Variants in CASQ2 observed in about 807,000 individuals in gnomAD.
The protein encoded by CASQ2 is calsequestrin 2.
Under a neutral mutation model 46.5 loss-of-function variants are expected in CASQ2, and 49 were observed. The observed-to-expected ratio is 1.05, with a 90% CI of 0.84 to 1.34. CASQ2 has a LOEUF of 1.34. Among genes scored for constraint, CASQ2 ranks in the 40% most tolerant of loss-of-function variants. CASQ2 has a pLI of 0.00. For missense variants in CASQ2, 486 were observed against 481.3 expected, an observed-to-expected ratio of 1.01 and a Z score of -0.09; for synonymous variants, 174 against 168.5, an observed-to-expected ratio of 1.03 and a Z score of -0.25.
intron 1 of CASQ2, among the ~76,000 whole-genome samples, chr1:115,754,223 A>G (rs572941553): frequency 1.3e-5 from 2 of 152,310 alleles, no homozygotes; most frequent in South Asian, 4.2e-4. Context: ...GGCTCAATGA[A>G]GGGACGGCTA....
At chr1:115,721,606 C>T (rs1270201054) in intron 7 of CASQ2, among the ~76,000 whole-genome samples, 1 of 152,124 alleles carries the variant, frequency 6.6e-6, no homozygotes, top group Non-Finnish European at 1.5e-5. Flanking sequence ...GGGTTTCACT[C>T]TGTTGCCCAG....
Position 115,768,653 on chromosome 1 carries a change from T to G in CASQ2, c.-112A>C. 1.3e-6 allele frequency: 1 copy of G among 756,032 alleles called. No individual in the cohort carries two copies. The highest frequency in any genetic ancestry group is 1.5e-5 in the South Asian group (1 of 65,810). 46.8% of individuals were successfully genotyped at this position (756,032 alleles called of 1,614,324 possible). ...AGAGAGCAGACAGGCTGATTTTCTC[T>G]CTTCTTTGCCCTTCCTGGGGCTGAA... is the stretch of plus-strand genomic sequence containing the variant. On this transcript the variant is annotated 5_prime_UTR_variant, in exon 1 of 11. Coordinates refer to ENST00000261448, the MANE Select transcript of CASQ2 (RefSeq NM_001232.4).
chr1:115,714,189 T>C (rs1439100437), intron 8 of CASQ2, among the ~76,000 whole-genome samples: 3 of 152,122 alleles, frequency 2.0e-5, no homozygotes, highest in Non-Finnish European at 2.9e-5. Context: ...GCTTCCTCAG[T>C]TGTAATAAAA....
intron 7 of CASQ2, among the ~76,000 whole-genome samples, chr1:115,720,742 A>G (rs1446543488): frequency 6.6e-6 from 1 of 152,162 alleles, no homozygotes; most frequent in African/African-American, 2.4e-5. Context: ...CGCAGCAGTG[A>G]GCATGCTGGG....
chr1:115,746,847 C>T (rs1316874557), intron 1 of CASQ2, among the ~76,000 whole-genome samples: 1 of 152,048 alleles, frequency 6.6e-6, no homozygotes, highest in Non-Finnish European at 1.5e-5. Context: ...TGTTTTGATT[C>T]ATATAATGTA....
intron 1 of CASQ2, among the ~76,000 whole-genome samples, chr1:115,762,555 A>G (rs1649000108): frequency 1.3e-5 from 2 of 152,194 alleles, no homozygotes; most frequent in South Asian, 2.1e-4. Flanking sequence ...AACAGCATCA[A>G]TTTTAACTAC....
chr1:115,757,048 C>T (rs79738739), intron 1 of CASQ2, among the ~76,000 whole-genome samples: 10,119 of 152,184 alleles, frequency 0.066, 460 homozygotes, highest in Admixed American at 0.13. Flanking sequence ...TGCGCAATAC[C>T]GGGGGCTTTG....
intron 5 of CASQ2, among the ~76,000 whole-genome samples, chr1:115,728,880 A>G (rs1223047135): frequency 6.6e-6 from 1 of 152,050 alleles, no homozygotes; most frequent in African/African-American, 2.4e-5. Flanking sequence ...CTGGGTCCAC[A>G]GTGCTGTCTA....
At chr1:115,752,463 G>T (rs142227480) in intron 1 of CASQ2, among the ~76,000 whole-genome samples, 4 of 152,330 alleles carry the variant, frequency 2.6e-5, no homozygotes, top group African/African-American at 9.6e-5. Context: ...GTAAATGAAT[G>T]AATGAAGAGG....
At chr1:115,745,894 T>C (rs901774773) in intron 1 of CASQ2, among the ~76,000 whole-genome samples, 2 of 152,220 alleles carry the variant, frequency 1.3e-5, no homozygotes, top group African/African-American at 4.8e-5. Flanking sequence ...AAATTGGATA[T>C]TAACATTGAT....
intron 1 of CASQ2, among the ~76,000 whole-genome samples, chr1:115,754,822 C>CA (rs1367065416): frequency 3.2e-4 from 48 of 152,314 alleles, no homozygotes; most frequent in Middle Eastern, 3.4e-3. Context: ...ATCATGTATA[C>CA]AAGTACGTAG....
rs1294544108 is a variant in CASQ2 at position 115,700,305 on chromosome 1, C to A, written c.*936G>T. ...TGGCCAATTGTGGGAGTACTGATAA[C>A]TGGAGAGTTAATTGACTGCTGGATA... On this transcript the variant is annotated 3_prime_UTR_variant, in exon 11 of 11. Transcript: ENST00000261448. 1 of 152,120 alleles carries A rather than the reference C, an allele frequency of 6.6e-6. No homozygotes were observed. The highest frequency in any genetic ancestry group is 1.9e-4 in the East Asian group (1 of 5,148). The allele number at this position is 152,120 out of a possible 1,614,324, so 9.4% of individuals were successfully genotyped here.
intron 7 of CASQ2, among the ~76,000 whole-genome samples, chr1:115,722,348 T>C (rs1647407361): frequency 6.6e-6 from 1 of 152,242 alleles, no homozygotes; most frequent in Non-Finnish European, 1.5e-5. Flanking sequence ...TATTTTATCT[T>C]ATTCATTAAA....
At chr1:115,717,525 C>T (rs1181911866) in intron 8 of CASQ2, among the ~76,000 whole-genome samples, 1 of 152,218 alleles carries the variant, frequency 6.6e-6, no homozygotes, top group African/African-American at 2.4e-5. Context: ...CTCCTCTTAC[C>T]CATTTGGCAG....
rs571353035 is a variant in CASQ2, at chr1:115,768,428, G to A, written c.114C>T (p.Ser38=). 36 of 1,613,412 alleles carry A rather than the reference G, an allele frequency of 2.2e-5. No individual in the cohort carries two copies. The highest frequency in any genetic ancestry group is 5.0e-5 in the Admixed American group (3 of 59,990). ...YDGKDRVVSL[S]EKNFKQVLKK... ...TTAAAACCTGCTTGAAGTTCTTCTC[G>A]GAAAGACTTACCACTCGGTCCTTCC... The change falls in exon 1 of 11, where the codon TCC becomes TCT. Residue 38 remains serine, a synonymous_variant. Transcript: ENST00000261448.
intron 3 of CASQ2, among the ~76,000 whole-genome samples, chr1:115,740,346 G>A (rs1019212083): frequency 1.7e-4 from 26 of 152,290 alleles, no homozygotes; most frequent in African/African-American, 5.3e-4. Flanking sequence ...AACTCAGGGT[G>A]ACCTGGCTGA....
rs1357604482 is a variant in CASQ2, at chr1:115,732,871, T to C, written c.606+30A>G. ...CTTTAATTCTTCATGCCTACAAAAC[T>C]GTTCAAATTGGGGTTTCATAGGTAC... On this transcript the variant is annotated intron_variant, in intron 5 of 10. Transcript: ENST00000261448. The C allele has an allele frequency of 2.6e-5, 39 of 1,506,642 alleles. 1 individual carries two copies. Among genetic ancestry groups the C allele is most frequent in the Non-Finnish European group, 3.4e-5 (37 of 1,082,140 alleles). The allele number at this position is 1,506,642 out of a possible 1,614,324, so 93.3% of individuals were successfully genotyped here.
At chr1:115,705,890 G>A (rs1237635391) in intron 8 of CASQ2, among the ~76,000 whole-genome samples, 2 of 152,040 alleles carry the variant, frequency 1.3e-5, no homozygotes, top group Non-Finnish European at 2.9e-5. Context: ...TGCCCCAGGG[G>A]TGGGATGATT....
intron 1 of CASQ2, among the ~76,000 whole-genome samples, chr1:115,766,579 C>T (rs9428227): frequency 0.38 from 57,969 of 152,084 alleles, 12,814 homozygotes; most frequent in Non-Finnish European, 0.51. Flanking sequence ...GCCCTGTGTC[C>T]TGTGCCTAGT....
Sources: allele counts gnomAD v4.1 joint callset (sites outside exome capture counted in the v4.1 genomes callset), GRCh38; gene constraint gnomAD v4.1.1; transcripts MANE v1.5; gene names NCBI Gene and HGNC (gene_info 2026-07-23, HGNC 2026-07-21).